The following PLCE1 variants were observed in gnomAD, a reference collection of about 807,000 sequenced individuals.
The protein encoded by PLCE1 is 1-phosphatidylinositol 4,5-bisphosphate phosphodiesterase epsilon-1.
In PLCE1, 119 loss-of-function variants were observed where a neutral mutation model predicts 242.8. The observed-to-expected ratio is 0.49, with a 90% CI of 0.42 to 0.57. PLCE1 has a LOEUF of 0.57. PLCE1 is among the 20% of genes least tolerant of loss of function. PLCE1 has a pLI of 0.00. For missense variants in PLCE1, 2,441 were observed against 2,788.8 expected (o/e 0.88, Z 2.81); for synonymous variants, 945 against 1,017.4 (o/e 0.93, Z 1.35).
chr10:94,208,544 C>A (rs368380932), intron 4 of PLCE1, among the ~76,000 whole-genome samples: 4 of 152,316 alleles, frequency 2.6e-5, no homozygotes, highest in African/African-American at 9.6e-5. Flanking sequence ...GCTCCTACCC[C>A]CACCCACTGA....
At chr10:94,145,278 C>A (rs964266162) in intron 3 of PLCE1, among the ~76,000 whole-genome samples, 1 of 152,174 alleles carries the variant, frequency 6.6e-6, no homozygotes, top group Non-Finnish European at 1.5e-5. Context: ...TAACCCAGCT[C>A]TCTCTACTTC....
chr10:94,296,755 T>G (rs2052835332), intron 23 of PLCE1, among the ~76,000 whole-genome samples: 1 of 152,266 alleles, frequency 6.6e-6, no homozygotes, highest in South Asian at 2.1e-4. Flanking sequence ...CTTCAAGAAC[T>G]TTTCCTTTGC....
At chr10:94,269,559 G>T (rs1414362846) in intron 17 of PLCE1, among the ~76,000 whole-genome samples, 1 of 152,076 alleles carries the variant, frequency 6.6e-6, no homozygotes, top group Non-Finnish European at 1.5e-5. Flanking sequence ...ACTCTCATTA[G>T]ATTCCCCATT....
intron 2 of PLCE1, among the ~76,000 whole-genome samples, chr10:94,040,257 C>T (rs1007923981): frequency 6.6e-6 from 1 of 152,164 alleles, no homozygotes; most frequent in African/African-American, 2.4e-5. Flanking sequence ...TGCCTGGCTC[C>T]AAATGTGATT....
chr10:94,079,904 C>T (rs1022000296), intron 2 of PLCE1, among the ~76,000 whole-genome samples: 3 of 152,194 alleles, frequency 2.0e-5, no homozygotes, highest in African/African-American at 7.2e-5. Context: ...TTCCAATGTT[C>T]CTTCTCCACT....
At chr10:94,131,770 C>T (rs1330349232) in intron 2 of PLCE1, among the ~76,000 whole-genome samples, 1 of 152,206 alleles carries the variant, frequency 6.6e-6, no homozygotes, top group Non-Finnish European at 1.5e-5. Context: ...CCATAAAAGT[C>T]AGGCTGAAAC....
intron 2 of PLCE1, among the ~76,000 whole-genome samples, chr10:94,074,603 C>T (rs2044451734): frequency 6.6e-6 from 1 of 152,116 alleles, no homozygotes; most frequent in South Asian, 2.1e-4. Flanking sequence ...AATGGAACTG[C>T]TTTATGAGTA....
At chr10:94,028,029 T>C (rs1180448451) in intron 1 of PLCE1, among the ~76,000 whole-genome samples, 1 of 152,130 alleles carries the variant, frequency 6.6e-6, no homozygotes, top group Non-Finnish European at 1.5e-5. Flanking sequence ...GTCTCAATCA[T>C]TTTCCAGTGG....
chr10:94,089,230 C>T, intron 2 of PLCE1: 1 of 1,614,032 alleles, frequency 6.2e-7, no homozygotes, highest in South Asian at 1.1e-5. Context: ...AGGCAGAGAG[C>T]CCCAGGAGAG....
chr10:94,258,114 CT>C (rs1391998165), intron 11 of PLCE1, among the ~76,000 whole-genome samples: 3 of 152,042 alleles, frequency 2.0e-5, no homozygotes, highest in African/African-American at 4.8e-5. Context: ...TCAAAGCTGG[CT>C]TTTTTCCATT....
chr10:94,235,831 T>C, intron 6 of PLCE1, 84 bp from the exon 7 acceptor site: 1 of 1,474,346 alleles, frequency 6.8e-7, no homozygotes, highest in South Asian at 1.2e-5. Context: ...CATTATTTAT[T>C]ACTTTATGAT....
chr10:94,077,625 G>A (rs555974400), intron 2 of PLCE1, among the ~76,000 whole-genome samples: 9 of 152,184 alleles, frequency 5.9e-5, no homozygotes, highest in African/African-American at 1.9e-4. Context: ...TAAATTAGCC[G>A]GGCATGATGG....
intron 4 of PLCE1, among the ~76,000 whole-genome samples, chr10:94,182,165 G>C (rs929937261): frequency 3.3e-5 from 5 of 150,736 alleles, no homozygotes; most frequent in African/African-American, 1.2e-4. Context: ...GGAGGAAAAT[G>C]GTTTCTATCT....
At chr10:94,309,540 G>T (rs1342027317) in intron 27 of PLCE1, among the ~76,000 whole-genome samples, 1 of 152,004 alleles carries the variant, frequency 6.6e-6, no homozygotes, top group Non-Finnish European at 1.5e-5. Context: ...TGCCCAGGTT[G>T]GTTTTAAACT....
At chr10:94,021,387 G>A (rs2061374839) in intron 1 of PLCE1, among the ~76,000 whole-genome samples, 1 of 151,788 alleles carries the variant, frequency 6.6e-6, no homozygotes, top group Non-Finnish European at 1.5e-5. Flanking sequence ...AATTTTTGTT[G>A]TTTTAGATTT....
chr10:94,104,603 T>G (rs2045658725), intron 2 of PLCE1: 1 of 152,232 alleles, frequency 6.6e-6, no homozygotes, highest in Non-Finnish European at 1.5e-5. Flanking sequence ...TTTGCCACTT[T>G]GATATTCCAG....
At chr10:94,326,504 A>G (rs2054020877) in intron 32 of PLCE1, among the ~76,000 whole-genome samples, 1 of 152,242 alleles carries the variant, frequency 6.6e-6, no homozygotes. Flanking sequence ...ACACACCTCT[A>G]TAACTTCTGT....
chr10:94,082,635 C>T (rs2044686507), intron 2 of PLCE1, among the ~76,000 whole-genome samples: 1 of 152,116 alleles, frequency 6.6e-6, no homozygotes, highest in Non-Finnish European at 1.5e-5. Flanking sequence ...ATAGTAGGTG[C>T]TCATAATGTA....
At chr10:94,141,526 TAAGGGAAGGTG>T (rs1564727082) in intron 3 of PLCE1, among the ~76,000 whole-genome samples, 1 of 8,784 alleles carries the variant, frequency 1.1e-4, no homozygotes, top group African/African-American at 2.7e-4. Flanking sequence ...AAGGGAAGGC[TAAGGGAAGGTG>T]AAGGGAAGGC....
Sources: gnomAD v4.1 joint callset for allele counts (sites outside exome capture counted in the v4.1 genomes callset) on GRCh38, gnomAD v4.1.1 for gene constraint, MANE v1.5 for transcripts, NCBI Gene and HGNC (gene_info 2026-07-23, HGNC 2026-07-21) for gene names.